UGT1A4: variants seen among roughly 807,000 people sequenced by gnomAD.
UGT1A4 encodes UDP-glucuronosyltransferase 1A4.
Under a neutral mutation model 41.1 loss-of-function variants are expected in UGT1A4, and 32 were observed. That is an observed-to-expected ratio of 0.78 (90% confidence interval 0.59 to 1.05). The LOEUF (loss-of-function observed/expected upper bound fraction) is 1.05. Ranked by LOEUF, UGT1A4 falls within the 50% of genes least tolerant of loss-of-function variation. The probability of loss-of-function intolerance (pLI) is 0.00; values close to 1 mark genes in which losing one functional copy is unlikely to be tolerated. For missense variants in UGT1A4, 748 were observed against 677.4 expected, an observed-to-expected ratio of 1.10 and a Z score of -1.16; for synonymous variants, 283 against 265.1, an observed-to-expected ratio of 1.07 and a Z score of -0.66.
chr2:233,754,858 C>T lies in UGT1A4; in HGVS notation c.868-12176C>T, dbSNP rs759970086. 1.3e-5 allele frequency: 18 copies of T among 1,350,050 alleles called. No individual in the cohort carries two copies. In the African/African-American group the frequency reaches 2.1e-4, roughly 16 times the overall value. The allele number at this position is 1,350,050 out of a possible 1,614,324, so 83.6% of individuals were successfully genotyped here. ...TCACTGAAGGCAGAGAAAAGGGGTG[C>T]AGACCCTCTGCTTCTGCTTCCCAGG... On this transcript the variant is annotated intron_variant, in intron 1 of 4. Coordinates refer to ENST00000373409, the MANE Select transcript of UGT1A4 (RefSeq NM_007120.3).
chr2:233,771,014 CGA>C (rs1700215366), intron 4 of UGT1A4: 2 of 152,012 alleles, frequency 1.3e-5, no homozygotes, highest in Admixed American at 1.3e-4. Context: ...AAAGCAGGAG[CGA>C]GAGAGAGTTG....
intron 1 of UGT1A4, chr2:233,760,101 A>G (rs1697321956): frequency 2.6e-6 from 3 of 1,137,760 alleles, no homozygotes; most frequent in Admixed American, 5.6e-5. Context: ...GTTGTTGCCT[A>G]TTAAGAAACC....
At chr2:233,756,696 A>G (rs1696298484) in intron 1 of UGT1A4, among the ~76,000 whole-genome samples, 1 of 152,182 alleles carries the variant, frequency 6.6e-6, no homozygotes, top group African/African-American at 2.4e-5. Flanking sequence ...ATGACGATGA[A>G]TTTTGGGGGG....
chr2:233,756,139 A>C lies in UGT1A4; in HGVS notation c.868-10895A>C, dbSNP rs548564023. ...CTTTGTAAAATTCTCCTGAAAAATT[A>C]CTGGGGATCCCTAGGATTTCCTGGC... On this transcript the variant is annotated intron_variant, in intron 1 of 4. Coordinates refer to ENST00000373409, the MANE Select transcript of UGT1A4 (RefSeq NM_007120.3). 16 of 152,358 alleles carry C rather than the reference A, an allele frequency of 1.1e-4. No individual in the cohort carries two copies. In the East Asian group the frequency reaches 1.4e-3, roughly 13 times the overall value. 9.4% of individuals were successfully genotyped at this position (152,358 alleles called of 1,614,324 possible). A position where few individuals can be genotyped will look rare whatever the true frequency, so the allele number is the denominator to read the frequency against.
intron 1 of UGT1A4, chr2:233,755,051 C>T (rs779353656): frequency 7.5e-6 from 10 of 1,331,260 alleles, no homozygotes; most frequent in East Asian, 4.6e-5. Context: ...AGCCGCCCTC[C>T]GCCCTCGCCT....
intron 1 of UGT1A4, among the ~76,000 whole-genome samples, chr2:233,728,850 A>T (rs1449608230): frequency 6.6e-6 from 1 of 152,198 alleles, no homozygotes; most frequent in East Asian, 1.9e-4. Flanking sequence ...TGGGAATTGG[A>T]TGAGAAACAA....
rs528932470 is a variant in UGT1A4, at chr2:233,768,499, A to C, written c.1307+60A>C. ...TGGCATTCATGATAAAATTGTTTCA[A>C]ATATGAAAACATTTACGTAGCATTT... On this transcript the variant is annotated intron_variant, in intron 4 of 4. Coordinates refer to ENST00000373409, the MANE Select transcript of UGT1A4 (RefSeq NM_007120.3). 123 of 1,570,454 alleles carry C rather than the reference A, an allele frequency of 7.8e-5. No individual in the cohort carries two copies. The East Asian group carries it at 1.6e-3, about 20-fold the overall frequency.
intron 1 of UGT1A4, among the ~76,000 whole-genome samples, chr2:233,724,345 CCCCACCT>C (rs1279096074): frequency 6.8e-6 from 1 of 147,952 alleles, no homozygotes; most frequent in African/African-American, 2.5e-5. Context: ...GGCTGACCCC[CCCCACCT>C]CCCTCCCGGA....
chr2:233,730,592 G>C (rs1017666778), intron 1 of UGT1A4, among the ~76,000 whole-genome samples: 3 of 152,138 alleles, frequency 2.0e-5, no homozygotes, highest in African/African-American at 7.2e-5. Flanking sequence ...ACAGGGATCT[G>C]TGCTGTCAAG....
chr2:233,718,935 A>G lies in UGT1A4; in HGVS notation c.115A>G (p.Ser39Gly). The change falls in exon 1 of 5, where the codon AGC (serine) becomes GGC (glycine). Residue 39 changes from serine to glycine, a missense_variant. Transcript: ENST00000373409. ...GGTGTTGGTGGTGCCCACTGATGGC[A>G]GCCCCTGGCTCAGCATGCGGGAGGC... ...GKVLVVPTDG[S>G]PWLSMREALR... is the part of the protein sequence containing the mutation. The G allele has an allele frequency of 6.2e-7, 1 of 1,614,132 alleles. No homozygotes were observed. Among genetic ancestry groups the G allele is most frequent in the South Asian group, 1.1e-5 (1 of 91,076 alleles).
chr2:233,742,265 C>A (rs1188794334), intron 1 of UGT1A4, among the ~76,000 whole-genome samples: 2 of 151,928 alleles, frequency 1.3e-5, no homozygotes, highest in Non-Finnish European at 2.9e-5. Context: ...TGACAGCAAG[C>A]CTGTGATAAG....
chr2:233,736,909 G>T (rs1037857066), intron 1 of UGT1A4, among the ~76,000 whole-genome samples: 5 of 152,172 alleles, frequency 3.3e-5, no homozygotes, highest in Non-Finnish European at 1.5e-5. Flanking sequence ...TCCTCTGGAA[G>T]CTTCATACCA....
intron 1 of UGT1A4, chr2:233,756,150 C>G (rs1696134000): frequency 6.6e-6 from 1 of 152,108 alleles, no homozygotes; most frequent in Non-Finnish European, 1.5e-5. Flanking sequence ...CTGGGGATCC[C>G]TAGGATTTCC....
chr2:233,724,710 C>G (rs1205860523), intron 1 of UGT1A4, among the ~76,000 whole-genome samples: 2 of 144,674 alleles, frequency 1.4e-5, no homozygotes, highest in African/African-American at 5.2e-5. Context: ...TCCTCGCTTT[C>G]CAGACTGGGC....
intron 1 of UGT1A4, among the ~76,000 whole-genome samples, chr2:233,741,179 T>C (rs1691582575): frequency 6.6e-6 from 1 of 151,930 alleles, no homozygotes; most frequent in Non-Finnish European, 1.5e-5. Flanking sequence ...AAACTGAACT[T>C]GTGTTTGCTT....
At chr2:233,744,776 C>T (rs1406230141) in intron 1 of UGT1A4, among the ~76,000 whole-genome samples, 1 of 151,874 alleles carries the variant, frequency 6.6e-6, no homozygotes, top group African/African-American at 2.4e-5. Context: ...TTGCAAAATT[C>T]TCCTGAAAAA....
intron 1 of UGT1A4, chr2:233,752,303 GC>G (rs1430654409): frequency 6.6e-6 from 1 of 152,154 alleles, no homozygotes; most frequent in Non-Finnish European, 1.5e-5. Context: ...GCCTTTCCTT[GC>G]CCGGTGTGCT....
At position 233,747,438 on chromosome 2, in the gene UGT1A4, A is replaced by G; in HGVS notation, c.868-19596A>G. The G allele has an allele frequency of 1.2e-6, 2 of 1,608,812 alleles. 1 individual carries two copies. On this transcript the variant is annotated intron_variant, in intron 1 of 4. Transcript: ENST00000373409. ...GCACATCAAACAAGAGAAATTTTTC[A>G]CCCTGACAACCTATGCCATTTCATG...
intron 1 of UGT1A4, among the ~76,000 whole-genome samples, 180 bp from the exon 2 acceptor site, chr2:233,766,854 A>G (rs966764700): frequency 6.6e-6 from 1 of 152,226 alleles, no homozygotes. Flanking sequence ...CTCCTTTAGA[A>G]GGAAGTAAAG....
Sources: gnomAD v4.1 joint callset for allele counts (sites outside exome capture counted in the v4.1 genomes callset) on GRCh38, gnomAD v4.1.1 for gene constraint, MANE v1.5 for transcripts, NCBI Gene and HGNC (gene_info 2026-07-23, HGNC 2026-07-21) for gene names.